The following MYO18B variants were observed in gnomAD, a reference collection of about 807,000 sequenced individuals.
MYO18B encodes unconventional myosin-XVIIIb.
In MYO18B, 204 loss-of-function variants were observed where a neutral mutation model predicts 273.0. The observed-to-expected ratio is 0.75, with a 90% CI of 0.67 to 0.84. MYO18B has a LOEUF of 0.84. MYO18B is among the 40% of genes least tolerant of loss of function. The pLI is 0.00. For synonymous variants in MYO18B, 1,330 were observed against 1,305.7 expected (o/e 1.02, Z -0.40); for missense variants, 3,212 against 3,287.6 (o/e 0.98, Z 0.56).
intron 1 of MYO18B, among the ~76,000 whole-genome samples, chr22:25,751,852 G>A (rs975772879): frequency 1.3e-5 from 2 of 152,184 alleles, no homozygotes; most frequent in African/African-American, 4.8e-5. Context: ...GCTGGGCTGG[G>A]GTCTTCAGTC....
intron 17 of MYO18B, among the ~76,000 whole-genome samples, chr22:25,838,824 TG>T (rs1293680303): frequency 6.6e-6 from 1 of 152,258 alleles, no homozygotes; most frequent in East Asian, 1.9e-4. Context: ...TGTGTGTATG[TG>T]TGTATGTCTG....
At chr22:26,010,849 GT>G (rs1188183487) in intron 42 of MYO18B, among the ~76,000 whole-genome samples, 1 of 152,106 alleles carries the variant, frequency 6.6e-6, no homozygotes, top group Non-Finnish European at 1.5e-5. Context: ...TGAAAGTGGA[GT>G]TTTGGTGAGC....
At chr22:25,855,940 G>A (rs1316855523) in intron 21 of MYO18B, among the ~76,000 whole-genome samples, 1 of 151,924 alleles carries the variant, frequency 6.6e-6, no homozygotes, top group Non-Finnish European at 1.5e-5. Flanking sequence ...TCATCACCCA[G>A]GTAATAAGCA....
chr22:25,893,480 G>C (rs1249294870), intron 27 of MYO18B, among the ~76,000 whole-genome samples: 1 of 152,166 alleles, frequency 6.6e-6, no homozygotes, highest in Non-Finnish European at 1.5e-5. Context: ...GCCCACTCAT[G>C]CCACTTGCTC....
At chr22:25,815,184 A>G (rs1019695117) in intron 12 of MYO18B, among the ~76,000 whole-genome samples, 6 of 152,196 alleles carry the variant, frequency 3.9e-5, no homozygotes, top group Non-Finnish European at 8.8e-5. Context: ...AGTTTGATAG[A>G]TTGAATGGCC....
chr22:25,849,330 C>T (rs1286554876), intron 20 of MYO18B, among the ~76,000 whole-genome samples: 2 of 152,184 alleles, frequency 1.3e-5, no homozygotes, highest in African/African-American at 4.8e-5. Flanking sequence ...TAGAAATGTC[C>T]AATTTCTGTC....
chr22:25,957,585 TA>T (rs1418043069), intron 39 of MYO18B, among the ~76,000 whole-genome samples: 2 of 152,208 alleles, frequency 1.3e-5, no homozygotes, highest in African/African-American at 4.8e-5. Context: ...CTGCATAGCT[TA>T]AAACAACAGA....
chr22:25,887,313 C>T (rs1285933225), intron 25 of MYO18B, among the ~76,000 whole-genome samples: 2 of 152,164 alleles, frequency 1.3e-5, no homozygotes, highest in Non-Finnish European at 2.9e-5. Context: ...GGTGTGTCCT[C>T]CAGCATTTAA....
At chr22:25,795,313 A>G (rs1340750636) in intron 11 of MYO18B, among the ~76,000 whole-genome samples, 4 of 152,252 alleles carry the variant, frequency 2.6e-5, no homozygotes, top group Non-Finnish European at 1.5e-5. Flanking sequence ...TTAAGAAACT[A>G]TGACTGTTTT....
intron 11 of MYO18B, among the ~76,000 whole-genome samples, chr22:25,795,849 G>T (rs1482652705): frequency 6.6e-6 from 1 of 152,116 alleles, no homozygotes; most frequent in Admixed American, 6.5e-5. Flanking sequence ...GAAGTGGCTT[G>T]AGTGGAGGGG....
At chr22:25,790,233 G>T (rs1219232625) in intron 11 of MYO18B, among the ~76,000 whole-genome samples, 10 of 152,322 alleles carry the variant, frequency 6.6e-5, no homozygotes, top group Admixed American at 5.2e-4. Context: ...CCGAACTGCT[G>T]TTTCCCTAAT....
chr22:25,809,280 T>C (rs2088626011), intron 12 of MYO18B, among the ~76,000 whole-genome samples: 1 of 152,124 alleles, frequency 6.6e-6, no homozygotes, highest in South Asian at 2.1e-4. Context: ...GTCCTGTAGC[T>C]GTAAGAGTTG....
chr22:26,027,735 A>C lies in MYO18B; in HGVS notation c.*12+45A>C, dbSNP rs1936373540. 6.6e-7 allele frequency: 1 copy of C among 1,518,510 alleles called. No homozygotes were observed. The highest frequency in any genetic ancestry group is 1.4e-5 in the African/African-American group (1 of 72,400). 94.1% of individuals were successfully genotyped at this position (1,518,510 alleles called of 1,614,324 possible). A position where few individuals can be genotyped will look rare whatever the true frequency, so the allele number is the denominator to read the frequency against. ...GCTATTCTTGGGGGAATGAGAGTTCACCTTGCAGCCTTGGGGAGAGCAGGT... is the reference window on the plus strand; with the variant it reads ...GCTATTCTTGGGGGAATGAGAGTTCCCCTTGCAGCCTTGGGGAGAGCAGGT... On this transcript the variant is annotated intron_variant, in intron 43 of 43. Coordinates refer to ENST00000335473, the MANE Select transcript of MYO18B (RefSeq NM_032608.7). The surrounding 1 kb of genome is among the most constrained non-coding windows in gnomAD (Gnocchi z 4.1).
chr22:25,762,496 G>C (rs1018882563), intron 2 of MYO18B, among the ~76,000 whole-genome samples: 3 of 152,278 alleles, frequency 2.0e-5, no homozygotes, highest in Non-Finnish European at 4.4e-5. Flanking sequence ...TCATGCCTCA[G>C]CCTCCAAGTC....
rs2092802954 is a variant in MYO18B at position 25,952,371 on chromosome 22, G to A, written c.5918G>A (p.Cys1973Tyr). Residue 1973 changes from cysteine (C) to tyrosine (Y), a missense_variant, in exon 38 of 44, where the codon TGT becomes TAT. Coordinates refer to ENST00000335473, the MANE Select transcript of MYO18B (RefSeq NM_032608.7). ...GTCAGCAGGCAGGAGGCGGTCATCT[G>A]TGACCTAGAGAACAAGACAGAGTTC... ...AIVSRQEAVICDLENKTEFQK... is the reference protein window; with the variant it reads ...AIVSRQEAVIYDLENKTEFQK... 2.5e-6 allele frequency: 4 copies of A among 1,612,892 alleles called. No homozygotes were observed. The highest frequency in any genetic ancestry group is 3.4e-6 in the Non-Finnish European group (4 of 1,179,514).
At chr22:25,963,402 C>T (rs912732402) in intron 39 of MYO18B, among the ~76,000 whole-genome samples, 1 of 151,588 alleles carries the variant, frequency 6.6e-6, no homozygotes, top group Non-Finnish European at 1.5e-5. Context: ...CTTCCTTCCC[C>T]TGGTGGCTCC....
chr22:25,830,780 C>T (rs1209016394), intron 15 of MYO18B, among the ~76,000 whole-genome samples: 2 of 152,252 alleles, frequency 1.3e-5, no homozygotes, highest in East Asian at 1.9e-4. Context: ...AAACAGGCTC[C>T]ACTTCTTGAT....
At chr22:25,845,329 C>T (rs1290583700) in intron 18 of MYO18B, among the ~76,000 whole-genome samples, 4 of 152,140 alleles carry the variant, frequency 2.6e-5, no homozygotes, top group Non-Finnish European at 4.4e-5. Flanking sequence ...CCATCCTGGC[C>T]AACATGGTGA....
rs1850875422 is a variant in MYO18B at position 25,771,049 on chromosome 22, C to T, written c.1692+65C>T. On this transcript the variant is annotated intron_variant, in intron 6 of 43. Transcript: ENST00000335473. ...TGTCCCACTTCACCCCAGCTCCATACCCTCCTTCCCCAGTCCTGCAAGAGA... is the reference window on the plus strand; with the variant it reads ...TGTCCCACTTCACCCCAGCTCCATATCCTCCTTCCCCAGTCCTGCAAGAGA... 5 of 1,100,476 alleles carry T rather than the reference C, an allele frequency of 4.5e-6. No individual in the cohort carries two copies. The South Asian group carries it at 5.6e-5, about 12-fold the overall frequency. The allele number at this position is 1,100,476 out of a possible 1,614,324, so 68.2% of individuals were successfully genotyped here.
Sources: allele counts gnomAD v4.1 joint callset (sites outside exome capture counted in the v4.1 genomes callset), GRCh38; gene constraint gnomAD v4.1.1; non-coding constraint Gnocchi (gnomAD v3.1); transcripts MANE v1.5; gene names NCBI Gene and HGNC (gene_info 2026-07-23, HGNC 2026-07-21).